Variants in FMNL2 observed in about 807,000 individuals in gnomAD.
FMNL2 encodes the protein formin-like protein 2.
Under a neutral mutation model 130.2 loss-of-function variants are expected in FMNL2, and 51 were observed. The observed-to-expected ratio is 0.39, with a 90% CI of 0.31 to 0.49. The LOEUF (loss-of-function observed/expected upper bound fraction) is 0.49, where lower values mean the gene tolerates loss of function less well. Among genes scored for constraint, FMNL2 ranks in the 20% least tolerant of loss-of-function variants. The probability of loss-of-function intolerance (pLI) is 0.85; values close to 1 mark genes in which losing one functional copy is unlikely to be tolerated. For missense variants in FMNL2, 977 were observed against 1,316.2 expected (o/e 0.74, Z 3.99); for synonymous variants, 465 against 467.1 (o/e 1.00, Z 0.06).
At chr2:152,595,570 T>G (rs1167310578) in intron 9 of FMNL2, among the ~76,000 whole-genome samples, 4 of 152,022 alleles carry the variant, frequency 2.6e-5, no homozygotes, top group Non-Finnish European at 5.9e-5. Flanking sequence ...CTGCCTGCCT[T>G]GGCCTCCCAA....
At chr2:152,474,787 C>A (rs1235621591) in intron 1 of FMNL2, among the ~76,000 whole-genome samples, 1 of 152,190 alleles carries the variant, frequency 6.6e-6, no homozygotes, top group Non-Finnish European at 1.5e-5. Context: ...TTAGTTGGGT[C>A]TGAATGGACC....
chr2:152,640,113 C>A, intron 24 of FMNL2, 57 bp downstream of exon 24: 1 of 1,426,426 alleles, frequency 7.0e-7, no homozygotes, highest in Non-Finnish European at 9.4e-7. Context: ...GAGGGCTCTT[C>A]AGAGCAAGCC....
At chr2:152,342,772 A>G (rs1469381675) in intron 1 of FMNL2, among the ~76,000 whole-genome samples, 3 of 152,200 alleles carry the variant, frequency 2.0e-5, no homozygotes, top group Non-Finnish European at 4.4e-5. Context: ...GTTAGGTTGG[A>G]GAGCTGCCTC....
intron 1 of FMNL2, among the ~76,000 whole-genome samples, chr2:152,369,969 G>C (rs1187463921): frequency 6.6e-6 from 1 of 152,174 alleles, no homozygotes; most frequent in East Asian, 1.9e-4. Flanking sequence ...ATTGTGTGGG[G>C]AATAGGGTAT....
At chr2:152,575,917 C>T (rs570537329) in intron 7 of FMNL2, among the ~76,000 whole-genome samples, 1 of 152,154 alleles carries the variant, frequency 6.6e-6, no homozygotes, top group African/African-American at 2.4e-5. Context: ...GCAGGTTGAC[C>T]CCACTGTAAA....
intron 1 of FMNL2, among the ~76,000 whole-genome samples, chr2:152,408,095 A>G (rs1462442490): frequency 6.6e-6 from 1 of 152,156 alleles, no homozygotes; most frequent in Non-Finnish European, 1.5e-5. Context: ...TGGTAGGTGG[A>G]TTAGTGTTGT....
chr2:152,398,385 G>A (rs941557283), intron 1 of FMNL2, among the ~76,000 whole-genome samples: 13 of 152,132 alleles, frequency 8.5e-5, no homozygotes, highest in South Asian at 2.1e-4. Context: ...AAAGAGATGC[G>A]AGAATTATAA....
chr2:152,514,121 A>C (rs535234179), intron 1 of FMNL2, among the ~76,000 whole-genome samples: 2 of 152,154 alleles, frequency 1.3e-5, no homozygotes, highest in Non-Finnish European at 2.9e-5. Context: ...TTTTCAAGTG[A>C]ACTCAGGAGA....
chr2:152,643,830 GA>G (rs1481301961), intron 25 of FMNL2: 16 of 985,314 alleles, frequency 1.6e-5, no homozygotes, highest in Non-Finnish European at 1.2e-6. Flanking sequence ...ACTTCTTTGA[GA>G]ATCAGTATTG....
chr2:152,556,747 A>C (rs1274551819), intron 4 of FMNL2, among the ~76,000 whole-genome samples: 1 of 152,114 alleles, frequency 6.6e-6, no homozygotes, highest in Admixed American at 6.5e-5. Context: ...AATGGTCTGC[A>C]CTCTACAGAG....
At chr2:152,451,454 C>T (rs574017380) in intron 1 of FMNL2, among the ~76,000 whole-genome samples, 2 of 152,180 alleles carry the variant, frequency 1.3e-5, no homozygotes, top group African/African-American at 2.4e-5. Flanking sequence ...TGCCTGTGTT[C>T]ACATTTCTGA....
rs141923705 is a variant in FMNL2 at position 152,456,718 on chromosome 2, C to T, written c.118-65225C>T. On this transcript the variant is annotated intron_variant, in intron 1 of 25. Transcript: ENST00000288670. ...CAGCACTTTAGGAGACTGAGGGGGGCGAATCACGAGGTCAGGAGTTTGAGA... is the reference window on the plus strand; with the variant it reads ...CAGCACTTTAGGAGACTGAGGGGGGTGAATCACGAGGTCAGGAGTTTGAGA... 6.6e-5 allele frequency among the ~76,000 whole-genome samples: 10 copies of T among 151,892 alleles called. No homozygotes were observed. In the South Asian group the frequency reaches 8.3e-4, roughly 13 times the overall value.
At chr2:152,516,477 A>T (rs2105379686) in intron 1 of FMNL2, among the ~76,000 whole-genome samples, 1 of 152,240 alleles carries the variant, frequency 6.6e-6, no homozygotes. Context: ...TTTTCTCTCT[A>T]AGCAAGTGGT....
At chr2:152,640,938 GC>G (rs1395363529) in intron 25 of FMNL2, 24 bp downstream of exon 25, 1 of 1,612,490 alleles carries the variant, frequency 6.2e-7, no homozygotes, top group Non-Finnish European at 8.5e-7. Context: ...CTTCACTGTG[GC>G]CCATGGAGAT....
At chr2:152,521,669 G>A (rs112390856) in intron 1 of FMNL2, among the ~76,000 whole-genome samples, 5 of 152,244 alleles carry the variant, frequency 3.3e-5, no homozygotes, top group Non-Finnish European at 7.4e-5. Context: ...CTGCCAAAGC[G>A]ACAAGGCATC....
At chr2:152,450,388 G>A (rs986478968) in intron 1 of FMNL2, among the ~76,000 whole-genome samples, 1 of 152,180 alleles carries the variant, frequency 6.6e-6, no homozygotes, top group Non-Finnish European at 1.5e-5. Flanking sequence ...TCCGTGGAGC[G>A]TGGAGACAAC....
intron 4 of FMNL2, among the ~76,000 whole-genome samples, chr2:152,554,240 C>T (rs150210911): frequency 9.9e-5 from 15 of 152,206 alleles, no homozygotes; most frequent in African/African-American, 3.4e-4. Context: ...ACCCCTGTCT[C>T]TATAAAAAAT....
At chr2:152,583,894 C>G (rs542116695) in intron 9 of FMNL2, among the ~76,000 whole-genome samples, 1 of 152,236 alleles carries the variant, frequency 6.6e-6, no homozygotes, top group South Asian at 2.1e-4. Flanking sequence ...ATAGACAGAC[C>G]AAGCAAATGG....
rs1681953975 is a variant in FMNL2 at position 152,628,546 on chromosome 2, ACT to A, written c.2400+16_2400+17del. 5 of 1,604,952 alleles carry A rather than the reference ACT, an allele frequency of 3.1e-6. No homozygotes were observed. In the African/African-American group the frequency reaches 5.3e-5, roughly 17 times the overall value. On this transcript the variant is annotated intron_variant, in intron 18 of 25. Transcript: ENST00000288670. ...GATGCTGACTCCTGTGAGTGGACTG[ACT>A]CTGGCAGGGGAGGGGGTCCAAAGAA...
Sources: allele counts gnomAD v4.1 joint callset (sites outside exome capture counted in the v4.1 genomes callset), GRCh38; gene constraint gnomAD v4.1.1; transcripts MANE v1.5; gene names NCBI Gene and HGNC (gene_info 2026-07-23, HGNC 2026-07-21).